Variants in COG6 observed in about 807,000 individuals in gnomAD.
The protein encoded by COG6 is conserved oligomeric Golgi complex subunit 6.
A neutral mutation model predicts 88.8 loss-of-function variants in COG6; 74 were observed. That is an observed-to-expected ratio of 0.83 (90% CI 0.69 to 1.01). The LOEUF is 1.01. Ranked by LOEUF, COG6 falls within the 50% of genes least tolerant of loss-of-function variation. The pLI is 0.00. For missense variants in COG6, 800 were observed against 797.9 expected (o/e 1.00, Z -0.03); for synonymous variants, 286 against 278.7 (o/e 1.03, Z -0.26).
At chr13:39,756,216 A>G (rs1880829503), downstream of COG6, among the ~76,000 whole-genome samples, 1 of 152,192 alleles carries the variant, frequency 6.6e-6, no homozygotes, top group Non-Finnish European at 1.5e-5. Context: ...ATTATGAAAA[A>G]CTTATTTGGA....
intron 18 of COG6, 30 bp downstream of exon 18, chr13:39,727,578 A>G (rs760950679): frequency 2.8e-6 from 4 of 1,433,614 alleles, no homozygotes; most frequent in Non-Finnish European, 3.0e-6. Context: ...AGTAGTTGGT[A>G]AAGATTCACA....
rs75051701 is a variant in COG6 at position 39,688,798 on chromosome 13, A to G, written c.1010-962A>G. 8.3e-3 allele frequency among the ~76,000 whole-genome samples: 1,267 copies of G among 152,268 alleles called. 21 individuals are homozygous for G. The highest frequency in any genetic ancestry group is 0.029 in the African/African-American group (1,199 of 41,568). On this transcript the variant is annotated intron_variant, in intron 10 of 18. Transcript: ENST00000455146. ...CAAATCTTCTTAGTTGTGATTACCT[A>G]AAGAGGCCTGTTTTAGAGTTTGAGG... is the stretch of plus-strand genomic sequence containing the variant.
chr13:39,691,751 T>A (rs1363142609), intron 11 of COG6, among the ~76,000 whole-genome samples: 1 of 151,972 alleles, frequency 6.6e-6, no homozygotes, highest in Non-Finnish European at 1.5e-5. Context: ...GGAAAAAAAT[T>A]TCGACTTTAA....
chr13:39,692,683 C>T (rs1036806646), intron 11 of COG6, among the ~76,000 whole-genome samples: 2 of 151,994 alleles, frequency 1.3e-5, no homozygotes, highest in African/African-American at 2.4e-5. Context: ...TTCTCTCTGG[C>T]CTTGGAGAGG....
At chr13:39,719,526 G>C in intron 14 of COG6, 134 bp from the exon 15 acceptor site, 1 of 1,176,194 alleles carries the variant, frequency 8.5e-7, no homozygotes, top group Admixed American at 2.0e-5. Context: ...AAAAAGCATT[G>C]ATTTATGTTT....
At chr13:39,699,894 G>T (rs867306291) in intron 13 of COG6, among the ~76,000 whole-genome samples, 1 of 151,776 alleles carries the variant, frequency 6.6e-6, no homozygotes, top group Non-Finnish European at 1.5e-5. Flanking sequence ...TATAATTAAA[G>T]CAAACTTACT....
In COG6 at chr13:39,719,668, A is replaced by T; in HGVS notation, c.1425A>T (p.Ser475=). ...TTATTTTTCATTTGTAGGTTTTATC[A>T]TGTGTCTTGGATCCTCTCCTACAGA... ...ARQADFVQVL[S]CVLDPLLQMC... is the part of the protein sequence containing the mutation. Residue 475 remains serine, a synonymous_variant, in exon 15 of 19, where the codon TCA becomes TCT. Transcript: ENST00000455146. 6.2e-7 allele frequency: 1 copy of T among 1,612,060 alleles called. No homozygotes were observed.
At chr13:39,675,505 T>G (rs1261350794) in intron 4 of COG6, among the ~76,000 whole-genome samples, 1 of 152,210 alleles carries the variant, frequency 6.6e-6, no homozygotes, top group Non-Finnish European at 1.5e-5. Context: ...TCTTGATATA[T>G]TAAACTCTTG....
At chr13:39,712,852 G>A (rs1878315386) in intron 13 of COG6, among the ~76,000 whole-genome samples, 2 of 152,228 alleles carry the variant, frequency 1.3e-5, no homozygotes, top group South Asian at 2.1e-4. Context: ...CATGCCTGCT[G>A]TAGATACTCA....
chr13:39,671,420 TG>T (rs1875630266), intron 4 of COG6, among the ~76,000 whole-genome samples: 1 of 151,872 alleles, frequency 6.6e-6, no homozygotes, highest in African/African-American at 2.4e-5. Flanking sequence ...CCTTTTTTTT[TG>T]TGGGCACGCT....
At chr13:39,719,531 A>G in intron 14 of COG6, 129 bp from the exon 15 acceptor site, 1 of 1,181,020 alleles carries the variant, frequency 8.5e-7, no homozygotes, top group Non-Finnish European at 1.2e-6. Context: ...GCATTGATTT[A>G]TGTTTAATCT....
intron 4 of COG6, among the ~76,000 whole-genome samples, chr13:39,670,892 TA>T (rs929719827): frequency 5.3e-5 from 8 of 152,070 alleles, no homozygotes; most frequent in African/African-American, 1.9e-4. Context: ...ATTGGTAGCA[TA>T]AAAATATAAA....
Position 39,751,613 on chromosome 13 carries a change from G to T in COG6, c.*520G>T. The T allele has an allele frequency of 7.8e-7, 1 of 1,287,096 alleles. No homozygotes were observed. The highest frequency in any genetic ancestry group is 1.2e-5 in the South Asian group (1 of 80,924). The allele number at this position is 1,287,096 out of a possible 1,614,324, so 79.7% of individuals were successfully genotyped here. On this transcript the variant is annotated 3_prime_UTR_variant, in exon 19 of 19. Transcript: ENST00000455146. The stretch of plus-strand genomic sequence containing the variant: ...GCCCTTAAAGAGTTGTTAGCAGAGA[G>T]AAAAATAACAGTGAATGTGCTCCTG...
chr13:39,764,801 T>C (rs1881118783), intron 18 of COG6, among the ~76,000 whole-genome samples: 1 of 152,120 alleles, frequency 6.6e-6, no homozygotes, highest in African/African-American at 2.4e-5. Flanking sequence ...TTTTAGTAAA[T>C]TGTTCTTTCT....
chr13:39,772,295 G>A (rs919368181), intron 18 of COG6, among the ~76,000 whole-genome samples: 4 of 152,148 alleles, frequency 2.6e-5, no homozygotes, highest in Admixed American at 2.0e-4. Context: ...TGAGCCTCCA[G>A]AATATATTGT....
At chr13:39,715,522 T>G (rs1878482388) in intron 13 of COG6, among the ~76,000 whole-genome samples, 1 of 152,126 alleles carries the variant, frequency 6.6e-6, no homozygotes, top group Non-Finnish European at 1.5e-5. Context: ...ATATTATAGC[T>G]ATTAGAATGC....
chr13:39,719,423 G>A lies in COG6; in HGVS notation c.1416+56G>A, dbSNP rs1371125376. ...TTTTTGCTCTTCTATTGTACACTGT[G>A]TTTCAATTCTGGAATTTTGTAATTC... On this transcript the variant is annotated intron_variant, in intron 14 of 18. Transcript: ENST00000455146. 1.9e-6 allele frequency: 3 copies of A among 1,546,018 alleles called. No homozygotes were observed. In the East Asian group the frequency reaches 6.8e-5, roughly 35 times the overall value.
rs116490926 is a variant in COG6 at position 39,775,580 on chromosome 13, G to T, written c.1827-12755G>T. On this transcript the variant is annotated intron_variant, in intron 18 of 18. Transcript: ENST00000416691. ...AAAACTGAGGGGGGTTGTACAGAAG[G>T]CTCCCTGCTCCCATTCACCCCTCAC... Among the ~76,000 whole-genome samples, 1,041 of 152,170 alleles carry T rather than the reference G, an allele frequency of 6.8e-3. 15 individuals carry two copies. Among genetic ancestry groups the T allele is most frequent in the African/African-American group, 0.024 (994 of 41,496 alleles).
chr13:39,768,684 A>G (rs530685724), intron 18 of COG6, among the ~76,000 whole-genome samples: 10 of 152,104 alleles, frequency 6.6e-5, no homozygotes, highest in Non-Finnish European at 1.3e-4. Context: ...GTAACTTTTC[A>G]TAAGAAAGTT....
Sources: gnomAD v4.1 joint callset for allele counts (sites outside exome capture counted in the v4.1 genomes callset) on GRCh38, gnomAD v4.1.1 for gene constraint, MANE v1.5 for transcripts, NCBI Gene and HGNC (gene_info 2026-07-23, HGNC 2026-07-21) for gene names.